The following TEAD1 variants were observed in gnomAD, a reference collection of about 807,000 sequenced individuals.
TEAD1 encodes transcriptional enhancer factor TEF-1.
TEAD1 carries 9 observed loss-of-function variants against 54.9 expected under a neutral mutation model. The ratio of observed to expected loss-of-function variants is 0.16; its 90% CI spans 0.10 to 0.29. The LOEUF (loss-of-function observed/expected upper bound fraction) is 0.29. TEAD1 is among the 10% of genes least tolerant of loss of function. The probability of loss-of-function intolerance (pLI) is 1.00; values close to 1 mark genes in which losing one functional copy is unlikely to be tolerated. For missense variants in TEAD1, 387 were observed against 535.9 expected (o/e 0.72, Z 2.74); for synonymous variants, 200 against 187.8 (o/e 1.07, Z -0.53).
rs777718164 is a variant in TEAD1 at position 12,938,580 on chromosome 11, G to A, written c.*1358G>A. 3.3e-5 allele frequency: 5 copies of A among 152,214 alleles called. No homozygotes were observed. The highest frequency in any genetic ancestry group is 2.0e-4 in the Admixed American group (3 of 15,286). 9.4% of individuals were successfully genotyped at this position (152,214 alleles called of 1,614,324 possible). ...CTTGAAGCACATCCATTTCTTTAGC[G>A]TCTCTCAGTAAGTTACAGTACTTGT... On this transcript the variant is annotated 3_prime_UTR_variant, in exon 13 of 13. Transcript: ENST00000527636.
chr11:12,816,767 A>T (rs951202160), intron 3 of TEAD1, among the ~76,000 whole-genome samples: 2 of 152,214 alleles, frequency 1.3e-5, no homozygotes, highest in African/African-American at 4.8e-5. Flanking sequence ...AGGGATCTCA[A>T]GATGAGTAAG....
At chr11:12,857,628 T>C (rs1947417952) in intron 3 of TEAD1, among the ~76,000 whole-genome samples, 1 of 132,686 alleles carries the variant, frequency 7.5e-6, no homozygotes, top group Non-Finnish European at 1.6e-5. Context: ...AGATCATGGC[T>C]GCAACAGGAC....
At position 12,943,436 on chromosome 11, in the gene TEAD1, G is replaced by A. The variant is rs1478226515; in HGVS notation, c.*6214G>A. The A allele has an allele frequency of 6.6e-6, 1 of 152,588 alleles. No individual in the cohort carries two copies. The highest frequency in any genetic ancestry group is 2.1e-4 in the South Asian group (1 of 4,828). The allele number at this position is 152,588 out of a possible 1,614,324, so 9.5% of individuals were successfully genotyped here. ...GTTTAAAATTTATTGCATTGCAAAG[G>A]GTAGTTTCACTGAAGTCATGCACCA... is the stretch of plus-strand genomic sequence containing the variant. On this transcript the variant is annotated 3_prime_UTR_variant, in exon 13 of 13. Coordinates refer to ENST00000527636, the MANE Select transcript of TEAD1 (RefSeq NM_021961.6).
chr11:12,754,227 C>G (rs1204813746), intron 2 of TEAD1, among the ~76,000 whole-genome samples: 2 of 152,168 alleles, frequency 1.3e-5, no homozygotes. Context: ...CAAACAGGTT[C>G]ATTTTATTTG....
intron 3 of TEAD1, chr11:12,850,942 G>A: frequency 2.7e-6 from 1 of 366,348 alleles, no homozygotes; most frequent in Non-Finnish European, 3.8e-6. Context: ...CGAGAACAAA[G>A]GTCTGAAAAA....
At chr11:12,828,027 G>T (rs1946691516) in intron 3 of TEAD1, 1 of 152,250 alleles carries the variant, frequency 6.6e-6, no homozygotes, top group Non-Finnish European at 1.5e-5. Flanking sequence ...TAGACAAGAA[G>T]CGGGTGTTCC....
At chr11:12,721,620 A>T (rs1203010598) in intron 2 of TEAD1, among the ~76,000 whole-genome samples, 1 of 152,222 alleles carries the variant, frequency 6.6e-6, no homozygotes, top group East Asian at 1.9e-4. Flanking sequence ...CTAAATACAC[A>T]TTATGTTCCC....
intron 2 of TEAD1, among the ~76,000 whole-genome samples, chr11:12,706,231 G>C (rs891203073): frequency 1.3e-5 from 2 of 152,176 alleles, no homozygotes; most frequent in African/African-American, 4.8e-5. Flanking sequence ...TTTTGAACTG[G>C]TTGAAGAAAC....
At chr11:12,855,018 T>C (rs1589927568) in intron 3 of TEAD1, among the ~76,000 whole-genome samples, 1 of 152,334 alleles carries the variant, frequency 6.6e-6, no homozygotes, top group South Asian at 2.1e-4. Flanking sequence ...TTTCCACTAT[T>C]GCTGGGACAA....
Position 12,745,113 on chromosome 11 carries a change from C to T in TEAD1, c.-54-19066C>T, listed in dbSNP as rs573999846. 2.0e-5 allele frequency among the ~76,000 whole-genome samples: 3 copies of T among 152,262 alleles called. No homozygotes were observed. The East Asian group carries it at 5.8e-4, about 29-fold the overall frequency. On this transcript the variant is annotated intron_variant, in intron 2 of 12. Transcript: ENST00000527636. ...GAGACACTGCTGGGGAAAGATGAGT[C>T]GAGTCTACGGTTTTTTCTCATCCTC...
chr11:12,892,908 C>G (rs1948227473), intron 9 of TEAD1, among the ~76,000 whole-genome samples: 1 of 152,158 alleles, frequency 6.6e-6, no homozygotes, highest in African/African-American at 2.4e-5. Flanking sequence ...TGATCTCATG[C>G]CAGTAAGCCA....
chr11:12,870,969 G>T (rs1206388581), intron 5 of TEAD1, among the ~76,000 whole-genome samples: 1 of 152,170 alleles, frequency 6.6e-6, no homozygotes, highest in Non-Finnish European at 1.5e-5. Context: ...CTTTGAAGGA[G>T]TTGTTTCTTA....
chr11:12,677,738 A>C (rs554990203), intron 2 of TEAD1, among the ~76,000 whole-genome samples: 2 of 152,312 alleles, frequency 1.3e-5, no homozygotes, highest in Admixed American at 1.3e-4. Context: ...TAGATCCCAA[A>C]TATTAAATAG....
intron 2 of TEAD1, among the ~76,000 whole-genome samples, chr11:12,695,006 A>G (rs914742230): frequency 3.3e-5 from 5 of 152,250 alleles, no homozygotes; most frequent in Non-Finnish European, 7.3e-5. Context: ...GAAAGGTCAA[A>G]TTCTATTTCA....
chr11:12,735,237 C>G (rs1049441225), intron 2 of TEAD1, among the ~76,000 whole-genome samples: 2 of 152,226 alleles, frequency 1.3e-5, no homozygotes, highest in African/African-American at 4.8e-5. Flanking sequence ...CTTCTCCTTT[C>G]TCCTTAGCTA....
intron 3 of TEAD1, among the ~76,000 whole-genome samples, chr11:12,765,216 CT>C (rs957046140): frequency 2.6e-5 from 4 of 152,172 alleles, no homozygotes; most frequent in African/African-American, 9.7e-5. Context: ...CTGGGGCTTG[CT>C]TGCTGGGTTT....
intron 5 of TEAD1, among the ~76,000 whole-genome samples, chr11:12,871,417 A>C (rs1947742866): frequency 6.6e-6 from 1 of 152,184 alleles, no homozygotes; most frequent in African/African-American, 2.4e-5. Flanking sequence ...AAAGTCATTA[A>C]CTGTTTTTTT....
At chr11:12,730,873 G>C (rs1387297988) in intron 2 of TEAD1, among the ~76,000 whole-genome samples, 1 of 151,478 alleles carries the variant, frequency 6.6e-6, no homozygotes, top group Non-Finnish European at 1.5e-5. Flanking sequence ...GCTAATTTTA[G>C]TATTTTTTAG....
At chr11:12,763,288 C>T (rs1327464143) in intron 2 of TEAD1, among the ~76,000 whole-genome samples, 2 of 152,188 alleles carry the variant, frequency 1.3e-5, no homozygotes, top group African/African-American at 4.8e-5. Flanking sequence ...AAATACTCCC[C>T]CACAGTTTTC....
Sources: allele counts gnomAD v4.1 joint callset (sites outside exome capture counted in the v4.1 genomes callset), GRCh38; gene constraint gnomAD v4.1.1; transcripts MANE v1.5; gene names NCBI Gene and HGNC (gene_info 2026-07-23, HGNC 2026-07-21).